Variants in GDPD5 observed in about 807,000 individuals in gnomAD.
GDPD5 encodes glycerophosphodiester phosphodiesterase domain containing 5.
A neutral mutation model predicts 75.1 loss-of-function variants in GDPD5; 48 were observed. The observed-to-expected ratio is 0.64, with a 90% confidence interval of 0.51 to 0.81. GDPD5 has a LOEUF of 0.81. Among genes scored for constraint, GDPD5 ranks in the 40% least tolerant of loss-of-function variants. The pLI, the probability that GDPD5 is intolerant of heterozygous loss-of-function variation, is 0.00. For missense variants in GDPD5, 706 were observed against 822.6 expected (o/e 0.86, Z 1.73); for synonymous variants, 336 against 339.0 (o/e 0.99, Z 0.10).
rs368583813 is a variant in GDPD5, at chr11:75,436,473, G to A, written c.1669+463C>T. ...CAGGCAGCTCTGACCACGTCCTCCC[G>A]CCCCCCGCCCGGCACTCCCATCGCA... On this transcript the variant is annotated intron_variant, in intron 16 of 16. Coordinates refer to ENST00000336898, the MANE Select transcript of GDPD5 (RefSeq NM_030792.8). Among the ~76,000 whole-genome samples the A allele has an allele frequency of 5.3e-3, 509 of 96,316 alleles. 5 individuals carry two copies. The highest frequency in any genetic ancestry group is 0.015 in the African/African-American group (369 of 24,278). The allele number at this position is 96,316 out of a possible 152,430, so 63.2% of individuals were successfully genotyped here.
At chr11:75,501,397 A>C (rs190201294) in intron 1 of GDPD5, among the ~76,000 whole-genome samples, 1 of 152,358 alleles carries the variant, frequency 6.6e-6, no homozygotes, top group East Asian at 1.9e-4. Context: ...ATTCACGGAC[A>C]GACACAGGTG....
At chr11:75,441,540 G>C in intron 13 of GDPD5, 106 bp downstream of exon 13, 1 of 1,209,238 alleles carries the variant, frequency 8.3e-7, no homozygotes, top group Non-Finnish European at 1.1e-6. Context: ...CCCTCTGCCC[G>C]ACCGTGTGTG....
chr11:75,490,460 G>C (rs1565210134), intron 1 of GDPD5, 140 bp from the exon 2 acceptor site: 1 of 152,278 alleles, frequency 6.6e-6, no homozygotes, highest in Non-Finnish European at 1.5e-5. Flanking sequence ...GTGACACCGA[G>C]TCCCTGCCCT....
intron 1 of GDPD5, among the ~76,000 whole-genome samples, chr11:75,524,167 C>T (rs60479086): frequency 0.085 from 12,946 of 152,352 alleles, 610 homozygotes; most frequent in East Asian, 0.14. Context: ...CAGGTCCCTT[C>T]CTTCCTGGGC....
chr11:75,447,531 A>C (rs74379570), intron 9 of GDPD5, among the ~76,000 whole-genome samples: 2 of 152,224 alleles, frequency 1.3e-5, no homozygotes, highest in Non-Finnish European at 2.9e-5. Flanking sequence ...CCAAACGTAG[A>C]TAAGTATGGG....
intron 3 of GDPD5, among the ~76,000 whole-genome samples, chr11:75,466,200 G>A (rs1949511733): frequency 6.6e-6 from 1 of 152,202 alleles, no homozygotes; most frequent in Admixed American, 6.5e-5. Context: ...TGCATGAGCT[G>A]GGGTTGGGGC....
chr11:75,449,365 T>A, intron 8 of GDPD5, 152 bp downstream of exon 8: 1 of 785,104 alleles, frequency 1.3e-6, no homozygotes, highest in Non-Finnish European at 2.1e-6. Context: ...GTGGACTCTG[T>A]GGGCCACTCT....
chr11:75,435,857 C>A (rs1386684886), intron 16 of GDPD5, among the ~76,000 whole-genome samples: 1 of 152,212 alleles, frequency 6.6e-6, no homozygotes, highest in African/African-American at 2.4e-5. Flanking sequence ...CATCTGCTGT[C>A]CCCTGGGACT....
At chr11:75,455,472 A>G (rs1332763291) in intron 6 of GDPD5, 1 of 421,282 alleles carries the variant, frequency 2.4e-6, no homozygotes. Flanking sequence ...CCATGTAACA[A>G]ACCGGCCTCG....
chr11:75,488,232 CCA>C (rs1483184416), intron 2 of GDPD5, among the ~76,000 whole-genome samples: 1 of 152,148 alleles, frequency 6.6e-6, no homozygotes, highest in East Asian at 1.9e-4. Context: ...CCCTTCTCCC[CCA>C]GTGACACTGA....
rs1475072378 is a variant in GDPD5, at chr11:75,525,558, A to T, written c.-493T>A. The T allele has an allele frequency of 6.6e-6, 1 of 152,244 alleles. No individual in the cohort carries two copies. The highest frequency in any genetic ancestry group is 1.5e-5 in the Non-Finnish European group (1 of 68,128). 9.4% of individuals were successfully genotyped at this position (152,244 alleles called of 1,614,324 possible). ...TGGGGTTCCGACCCTCACTGACGGA[A>T]AGGCGCGGAGCGACCCTGCAACCAC... On this transcript the variant is annotated 5_prime_UTR_variant, in exon 1 of 17. Transcript: ENST00000336898.
chr11:75,441,543 C>CAT, intron 13 of GDPD5, 103 bp downstream of exon 13: 1 of 952,190 alleles, frequency 1.1e-6, no homozygotes, highest in East Asian at 2.7e-5. Context: ...TCTGCCCGAC[C>CAT]GTGTGTGTGT....
chr11:75,474,002 A>G (rs1949728877), intron 3 of GDPD5, among the ~76,000 whole-genome samples: 1 of 152,210 alleles, frequency 6.6e-6, no homozygotes, highest in Admixed American at 6.5e-5. Context: ...CAGAGCAGGT[A>G]GCAGGACAGG....
chr11:75,442,442 G>A lies in GDPD5; in HGVS notation c.1088C>T (p.Pro363Leu), dbSNP rs554296536. 6.2e-7 allele frequency: 1 copy of A among 1,612,284 alleles called. No homozygotes were observed. Among genetic ancestry groups the A allele is most frequent in the African/African-American group, 1.3e-5 (1 of 74,998 alleles). ...ACTGCTGCGGTAGGGGTGCTCCCGG[G>A]GCGGGTCACGCAGGTTGAGCAGCAG... The part of the protein sequence containing the change: ...ATLLLNLRDP[P>L]REHPYRSSFI... Residue 363 changes from proline to leucine, a missense_variant, in exon 12 of 17, where the codon CCC becomes CTC. Coordinates refer to ENST00000336898, the MANE Select transcript of GDPD5 (RefSeq NM_030792.8).
intron 3 of GDPD5, among the ~76,000 whole-genome samples, chr11:75,468,216 C>T (rs1373682563): frequency 1.3e-5 from 2 of 152,192 alleles, no homozygotes; most frequent in Non-Finnish European, 2.9e-5. Context: ...CCCCTTGGTC[C>T]CTTAACAGAA....
intron 3 of GDPD5, among the ~76,000 whole-genome samples, chr11:75,476,175 C>G (rs1292098624): frequency 6.6e-6 from 1 of 152,168 alleles, no homozygotes; most frequent in African/African-American, 2.4e-5. Flanking sequence ...AGATCCAGAA[C>G]AAAGTGTGGA....
At position 75,481,573 on chromosome 11, in the gene GDPD5, T is replaced by G. The variant is rs557309805; in HGVS notation, c.-60-3778A>C. Among the ~76,000 whole-genome samples, 9 of 151,958 alleles carry G rather than the reference T, an allele frequency of 5.9e-5. No homozygotes were observed. In the South Asian group the frequency reaches 1.9e-3, roughly 32 times the overall value. ...GGCTCCCATGGGGCTAGAGAGACCATGGGTGGGGGTTGGTGTAGGGTGCTC... is the reference window on the plus strand; with the variant it reads ...GGCTCCCATGGGGCTAGAGAGACCAGGGGTGGGGGTTGGTGTAGGGTGCTC... On this transcript the variant is annotated intron_variant, in intron 2 of 16. Coordinates refer to ENST00000336898, the MANE Select transcript of GDPD5 (RefSeq NM_030792.8).
intron 1 of GDPD5, among the ~76,000 whole-genome samples, chr11:75,523,961 A>T (rs1941565374): frequency 6.6e-6 from 1 of 152,228 alleles, no homozygotes; most frequent in African/African-American, 2.4e-5. Flanking sequence ...AGCCAAGGCC[A>T]CAGGGCCCAG....
At chr11:75,467,468 G>A (rs1352818421) in intron 3 of GDPD5, among the ~76,000 whole-genome samples, 1 of 152,196 alleles carries the variant, frequency 6.6e-6, no homozygotes, top group Non-Finnish European at 1.5e-5. Flanking sequence ...ATGGATGTGA[G>A]ACAGGGCAAC....
Sources: gnomAD v4.1 joint callset for allele counts (sites outside exome capture counted in the v4.1 genomes callset) on GRCh38, gnomAD v4.1.1 for gene constraint, MANE v1.5 for transcripts, NCBI Gene and HGNC (gene_info 2026-07-23, HGNC 2026-07-21) for gene names.